PHACTR1: variants seen among roughly 807,000 people sequenced by gnomAD.
The protein encoded by PHACTR1 is phosphatase and actin regulator 1.
A neutral mutation model predicts 69.2 loss-of-function variants in PHACTR1; 16 were observed. The observed-to-expected ratio is 0.23, with a 90% confidence interval of 0.16 to 0.35. The LOEUF (loss-of-function observed/expected upper bound fraction) is 0.35. Among genes scored for constraint, PHACTR1 ranks in the 10% least tolerant of loss-of-function variants. The pLI, the probability that PHACTR1 is intolerant of heterozygous loss-of-function variation, is 1.00. For synonymous variants in PHACTR1, 312 were observed against 284.5 expected (o/e 1.10, Z -0.97); for missense variants, 510 against 734.7 (o/e 0.69, Z 3.54).
intron 5 of PHACTR1, among the ~76,000 whole-genome samples, chr6:13,061,573 T>C (rs1007024233): frequency 2.0e-5 from 3 of 152,098 alleles, no homozygotes; most frequent in African/African-American, 7.2e-5. Context: ...AGATACAAAC[T>C]CAAACCATGG....
Position 13,161,416 on chromosome 6 carries a change from A to T in PHACTR1, c.496+1132A>T, listed in dbSNP as rs141475452. Among the ~76,000 whole-genome samples, 363 of 152,206 alleles carry T rather than the reference A, an allele frequency of 2.4e-3. 3 individuals are homozygous for T. The highest frequency in any genetic ancestry group is 8.4e-3 in the African/African-American group (347 of 41,522). On this transcript the variant is annotated intron_variant, in intron 6 of 14. Transcript: ENST00000332995. The stretch of plus-strand genomic sequence containing the variant: ...ACTCCCTCTGTTAGCGCTTTAAGTG[A>T]AATAACAGACTGTCACTTCCAATCT...
At chr6:13,200,106 G>T (rs941944226) in intron 7 of PHACTR1, among the ~76,000 whole-genome samples, 1 of 152,216 alleles carries the variant, frequency 6.6e-6, no homozygotes, top group Admixed American at 6.5e-5. Context: ...GATGCATCCT[G>T]GCCTTGAGTG....
At chr6:13,133,199 GCCTCCCCCTCCCCCTCCC>G (rs1221176075) in intron 5 of PHACTR1, among the ~76,000 whole-genome samples, 1 of 25,426 alleles carries the variant, frequency 3.9e-5, no homozygotes, top group East Asian at 2.2e-3. Flanking sequence ...AATCTATTTG[GCCTCCCCCTCCCCCTCCC>G]CCTCCCCCTC....
chr6:12,749,811 G>GCGCTCC, intron 4 of PHACTR1, 21 bp downstream of exon 4: 1 of 1,558,510 alleles, frequency 6.4e-7, no homozygotes, highest in Non-Finnish European at 8.7e-7. Context: ...CCCTGGCGCC[G>GCGCTCC]CGCCCCCGCC....
At chr6:12,813,135 AG>A (rs1265745621) in intron 4 of PHACTR1, among the ~76,000 whole-genome samples, 1 of 152,214 alleles carries the variant, frequency 6.6e-6, no homozygotes, top group African/African-American at 2.4e-5. Flanking sequence ...GCACAGAGAG[AG>A]AAAAAAACAG....
chr6:13,202,757 G>A (rs530944512), intron 7 of PHACTR1, among the ~76,000 whole-genome samples: 15 of 152,330 alleles, frequency 9.8e-5, no homozygotes, highest in East Asian at 1.9e-4. Context: ...GATTACAGGC[G>A]TGGGCCACCG....
chr6:13,074,297 A>G (rs2127780930), intron 5 of PHACTR1, among the ~76,000 whole-genome samples: 1 of 152,288 alleles, frequency 6.6e-6, no homozygotes, highest in South Asian at 2.1e-4. Context: ...AGGATATACA[A>G]ATTGAAACTA....
At chr6:13,263,071 C>T (rs1366573023) in intron 10 of PHACTR1, among the ~76,000 whole-genome samples, 1 of 152,120 alleles carries the variant, frequency 6.6e-6, no homozygotes, top group Non-Finnish European at 1.5e-5. Context: ...ACAAGTCAGA[C>T]CAACAAAACC....
chr6:12,965,126 T>C (rs889702983), intron 4 of PHACTR1, among the ~76,000 whole-genome samples: 4 of 152,266 alleles, frequency 2.6e-5, no homozygotes, highest in African/African-American at 7.2e-5. Flanking sequence ...TGTTATACTG[T>C]ATTGTTTATT....
chr6:13,052,477 G>C (rs1806109240), intron 4 of PHACTR1, among the ~76,000 whole-genome samples: 1 of 152,182 alleles, frequency 6.6e-6, no homozygotes, highest in African/African-American at 2.4e-5. Flanking sequence ...TTTTGCCAAA[G>C]AGCTTAGTTT....
chr6:13,184,660 C>A, intron 7 of PHACTR1: 1 of 531,868 alleles, frequency 1.9e-6, no homozygotes. Context: ...CGCTGTAGCT[C>A]TCTACACATG....
At chr6:12,822,043 T>A (rs989030581) in intron 4 of PHACTR1, among the ~76,000 whole-genome samples, 1 of 152,176 alleles carries the variant, frequency 6.6e-6, no homozygotes, top group African/African-American at 2.4e-5. Context: ...TAAGAGGAAC[T>A]TTAAGAAACC....
chr6:12,720,748 AG>A (rs753718340), intron 3 of PHACTR1, among the ~76,000 whole-genome samples: 1 of 152,180 alleles, frequency 6.6e-6, no homozygotes, highest in Non-Finnish European at 1.5e-5. Flanking sequence ...TCCTGGTGTA[AG>A]GCCTGTGAAT....
At chr6:13,222,118 G>A (rs1238299130) in intron 8 of PHACTR1, among the ~76,000 whole-genome samples, 3 of 152,160 alleles carry the variant, frequency 2.0e-5, no homozygotes, top group African/African-American at 7.2e-5. Flanking sequence ...TTAGAAGCTA[G>A]TTAGCCCTTA....
chr6:12,907,501 C>T lies in PHACTR1; in HGVS notation c.251-145864C>T, dbSNP rs571920810. 1.4e-4 allele frequency among the ~76,000 whole-genome samples: 21 copies of T among 152,340 alleles called. No individual in the cohort carries two copies. In the South Asian group the frequency reaches 4.1e-3, roughly 30 times the overall value. On this transcript the variant is annotated intron_variant, in intron 4 of 14. Transcript: ENST00000332995. ...AGGAGCCTCTAACAAGGTAGAACTA[C>T]TTGTGGAGGTCATTTTGATCTAAGG...
intron 7 of PHACTR1, among the ~76,000 whole-genome samples, chr6:13,193,357 G>GTCTATATATATATATATATATATATA (rs536184609): frequency 1.5e-5 from 1 of 68,162 alleles, no homozygotes; most frequent in Non-Finnish European, 3.4e-5. Context: ...AGCTCTCTGT[G>GTCTATATATATATATATATATATATA]TATATATATA....
intron 4 of PHACTR1, among the ~76,000 whole-genome samples, chr6:12,885,527 A>G (rs1783553615): frequency 6.6e-6 from 1 of 152,206 alleles, no homozygotes; most frequent in South Asian, 2.1e-4. Context: ...GGAAATTGCA[A>G]TCTGGCTTTA....
intron 5 of PHACTR1, among the ~76,000 whole-genome samples, chr6:13,097,623 T>A (rs534049925): frequency 1.1e-4 from 16 of 152,210 alleles, no homozygotes; most frequent in Non-Finnish European, 2.4e-4. Flanking sequence ...CATAGAGCAG[T>A]TAATAACCAG....
intron 3 of PHACTR1, among the ~76,000 whole-genome samples, chr6:12,743,557 G>A (rs919220694): frequency 6.6e-6 from 1 of 151,976 alleles, no homozygotes; most frequent in Non-Finnish European, 1.5e-5. Context: ...GGGGCTGCTG[G>A]GCCTGTCAGA....
Sources: gnomAD v4.1 joint callset for allele counts (sites outside exome capture counted in the v4.1 genomes callset) on GRCh38, gnomAD v4.1.1 for gene constraint, MANE v1.5 for transcripts, NCBI Gene and HGNC (gene_info 2026-07-23, HGNC 2026-07-21) for gene names.